VPS16: variants seen among roughly 807,000 people sequenced by gnomAD.
The protein encoded by VPS16 is vacuolar protein sorting-associated protein 16 homolog.
In VPS16, 82 loss-of-function variants were observed where a neutral mutation model predicts 116.0. The observed-to-expected ratio is 0.71, with a 90% CI of 0.59 to 0.85. The LOEUF (loss-of-function observed/expected upper bound fraction) is 0.85, where lower values mean the gene tolerates loss of function less well. Ranked by LOEUF, VPS16 falls within the 40% of genes least tolerant of loss-of-function variation. The probability of loss-of-function intolerance (pLI) is 0.00; values close to 1 mark genes in which losing one functional copy is unlikely to be tolerated. For synonymous variants in VPS16, 406 were observed against 420.7 expected (o/e 0.96, Z 0.43); for missense variants, 928 against 1,090.6 (o/e 0.85, Z 2.10).
At chr20:2,855,247 C>G (rs1469489442) in intron 1 of VPS16, among the ~76,000 whole-genome samples, 1 of 151,544 alleles carries the variant, frequency 6.6e-6, no homozygotes, top group African/African-American at 2.4e-5. Flanking sequence ...CATGAACCAC[C>G]GCGCCTGGCC....
chr20:2,862,807 G>T lies in VPS16; in HGVS notation c.1204G>T (p.Ala402Ser), dbSNP rs1490646916. The change falls in exon 13 of 24, where the codon GCC (alanine) becomes TCC (serine). Residue 402 changes from alanine (A) to serine (S), a missense_variant and splice_region_variant. By Grantham distance (99) the Ala-to-Ser change is moderately conservative (BLOSUM62 1). Transcript: ENST00000380445. ...QPDMQKSLLRAASFGKCFLDR... is the reference protein window; with the variant it reads ...QPDMQKSLLRSASFGKCFLDR... ...CCTATCGCCCTCTGGCTCTTCTCAG[G>T]CCGCCTCCTTCGGAAAGTGTTTCCT... 1 of 1,613,914 alleles carries T rather than the reference G, an allele frequency of 6.2e-7. No homozygotes were observed. The highest frequency in any genetic ancestry group is 8.5e-7 in the Non-Finnish European group (1 of 1,180,018).
Position 2,865,405 on chromosome 20 carries a change from G to C in VPS16, c.2181G>C (p.Trp727Cys). ...AAGCCCAGCTTTCCTGCAGGCTCTG[G>C]TGGCTGAAGCTGACTGCCCTGGCAG... ...RDFRIPDKRL[W>C]WLKLTALADL... Residue 727 changes from tryptophan to cysteine, a missense_variant, in exon 22 of 24, where the codon TGG (tryptophan) becomes TGC (cysteine). Coordinates refer to ENST00000380445, the MANE Select transcript of VPS16 (RefSeq NM_022575.4). The surrounding 1 kb of genome is among the most constrained non-coding windows in gnomAD (Gnocchi z 5.2). The C allele has an allele frequency of 6.2e-7, 1 of 1,614,146 alleles. No individual in the cohort carries two copies. Among genetic ancestry groups the C allele is most frequent in the Non-Finnish European group, 8.5e-7 (1 of 1,179,992 alleles).
intron 11 of VPS16, 121 bp downstream of exon 11, chr20:2,862,251 G>A (rs1192872484): frequency 2.4e-5 from 29 of 1,206,486 alleles, no homozygotes; most frequent in Non-Finnish European, 3.2e-5. Context: ...ACTGGTCTGG[G>A]CTGGGGAGGG....
intron 1 of VPS16, among the ~76,000 whole-genome samples, chr20:2,842,442 C>T (rs1002145430): frequency 2.6e-5 from 4 of 151,742 alleles, no homozygotes; most frequent in African/African-American, 9.7e-5. Flanking sequence ...ATGGTCAAAC[C>T]CTGTCTCTAC....
rs1188837498 is a variant in VPS16, at chr20:2,842,881, T to C, written c.53+2054T>C. The stretch of plus-strand genomic sequence containing the variant: ...GTATCTATCGATAGATAGATAGATG[T>C]ATCTATCGATAGATAGATAGATATA... On this transcript the variant is annotated intron_variant, in intron 1 of 23. Coordinates refer to ENST00000380445, the MANE Select transcript of VPS16 (RefSeq NM_022575.4). Among the ~76,000 whole-genome samples, 5 of 147,392 alleles carry C rather than the reference T, an allele frequency of 3.4e-5. 1 individual carries two copies. Among genetic ancestry groups the C allele is most frequent in the Admixed American group, 2.7e-4 (4 of 14,602 alleles).
In VPS16 at chr20:2,861,694, G is replaced by A. The variant is rs770481286; in HGVS notation, c.889G>A (p.Glu297Lys). The change falls in exon 9 of 24, where the codon GAG becomes AAG. Residue 297 changes from glutamate to lysine, a missense_variant. By Grantham distance (56) the Glu-to-Lys change is moderately conservative (BLOSUM62 1). Coordinates refer to ENST00000380445, the MANE Select transcript of VPS16 (RefSeq NM_022575.4). Reference sequence around the variant, plus strand: ...GCTGATGGTGGTGGGCGATGCACCCGAGAGCATCCAGTATCCTTGGAGGGC... The same window carrying A: ...GCTGATGGTGGTGGGCGATGCACCCAAGAGCATCCAGTATCCTTGGAGGGC... ...RRLMVVGDAP[E>K]SIQFVLDEDS... 39 of 1,612,910 alleles carry A rather than the reference G, an allele frequency of 2.4e-5. No homozygotes were observed. In the Admixed American group the frequency reaches 5.3e-4, roughly 22 times the overall value.
intron 1 of VPS16, among the ~76,000 whole-genome samples, chr20:2,849,775 C>G (rs1319465696): frequency 6.6e-6 from 1 of 152,204 alleles, no homozygotes; most frequent in African/African-American, 2.4e-5. Flanking sequence ...TACTGCCACA[C>G]TGGCAAATAT....
At chr20:2,858,001 G>A (rs995293604) in intron 1 of VPS16, among the ~76,000 whole-genome samples, 5 of 151,960 alleles carry the variant, frequency 3.3e-5, no homozygotes, top group African/African-American at 1.2e-4. Flanking sequence ...TCTTGCTATG[G>A]TATGAAAATT....
chr20:2,845,007 GGTGTGT>G (rs375923174), intron 1 of VPS16, among the ~76,000 whole-genome samples: 49 of 144,110 alleles, frequency 3.4e-4, no homozygotes, highest in East Asian at 2.5e-3. Flanking sequence ...ATTTGCAAGG[GGTGTGT>G]GTGTGTGTGT....
chr20:2,858,828 C>G (rs1457194595), intron 1 of VPS16, among the ~76,000 whole-genome samples: 2 of 152,148 alleles, frequency 1.3e-5, no homozygotes, highest in Non-Finnish European at 2.9e-5. Flanking sequence ...CTGCCATAAG[C>G]CAAGCATTGG....
rs1308728320 is a variant in VPS16, at chr20:2,861,626, C to G, written c.821C>G (p.Pro274Arg). 2.5e-6 allele frequency: 4 copies of G among 1,611,454 alleles called. No individual in the cohort carries two copies. The highest frequency in any genetic ancestry group is 3.4e-6 in the Non-Finnish European group (4 of 1,179,376). ...PPKQMVWCSR[P>R]RSKERAVVVA... ...TATGCTGCTCACAGGTGCAGCCGTC[C>G]TCGTAGCAAGGAGAGGGCCGTGGTG... Residue 274 changes from proline to arginine, a missense_variant, in exon 9 of 24, where the codon CCT (proline) becomes CGT (arginine). Transcript: ENST00000380445.
In VPS16 at chr20:2,862,654, T is replaced by A; in HGVS notation, c.1147T>A (p.Cys383Ser). Residue 383 changes from cysteine to serine, a missense_variant, in exon 12 of 24, where the codon TGC becomes AGC. Transcript: ENST00000380445. ...CCAGCTGACCCAGGCCGTGCAGCAG[T>A]GCATTGAGGCTGCAGGACATGAGCA... The part of the protein sequence containing the change: ...LGQLTQAVQQ[C>S]IEAAGHEHQP... 6.2e-7 allele frequency: 1 copy of A among 1,610,724 alleles called. No homozygotes were observed.
chr20:2,846,865 A>G (rs1351442652), intron 1 of VPS16, among the ~76,000 whole-genome samples: 1 of 152,180 alleles, frequency 6.6e-6, no homozygotes. Flanking sequence ...GTACCTCACT[A>G]CATCCTTAGG....
Position 2,863,810 on chromosome 20 carries a change from GAA to G in VPS16, c.1477-137_1477-136del, listed in dbSNP as rs1180026109. 7 of 1,214,146 alleles carry G rather than the reference GAA, an allele frequency of 5.8e-6. No homozygotes were observed. Among genetic ancestry groups the G allele is most frequent in the Non-Finnish European group, 7.7e-6 (7 of 905,564 alleles). 75.2% of individuals were successfully genotyped at this position (1,214,146 alleles called of 1,614,324 possible). On this transcript the variant is annotated intron_variant, in intron 15 of 23. Coordinates refer to ENST00000380445, the MANE Select transcript of VPS16 (RefSeq NM_022575.4). This position sits in a 1 kb window ranked among gnomAD's most constrained non-coding sequence, Gnocchi z 4.4. ...GGGCGGAGGAGGAGGGAAAGAGAGA[GAA>G]AGAAGAAAGAGAGAAAGAAAGAAAG...
Position 2,864,631 on chromosome 20 carries a change from C to G in VPS16, c.1903C>G (p.Arg635Gly), listed in dbSNP as rs1422519039. 6.2e-7 allele frequency: 1 copy of G among 1,614,076 alleles called. No individual in the cohort carries two copies. The highest frequency in any genetic ancestry group is 1.1e-5 in the South Asian group (1 of 91,078). ...NHQELGSFHI[R>G]ASYAAEERIE... The stretch of plus-strand genomic sequence containing the variant: ...CCAGGAATTGGGCAGCTTCCACATC[C>G]GAGCCAGCTATGCTGCAGAAGAGGT... Residue 635 changes from arginine (R) to glycine (G), a missense_variant, in exon 19 of 24, where the codon CGA becomes GGA. Physicochemically the swap from Arg to Gly is moderately radical, Grantham distance 125. Coordinates refer to ENST00000380445, the MANE Select transcript of VPS16 (RefSeq NM_022575.4). This position sits in a 1 kb window ranked among gnomAD's most constrained non-coding sequence, Gnocchi z 5.2.
At chr20:2,850,815 CA>C (rs539625403) in intron 1 of VPS16, among the ~76,000 whole-genome samples, 30 of 139,716 alleles carry the variant, frequency 2.1e-4, no homozygotes, top group African/African-American at 7.3e-4. Context: ...AAAAAAAAAA[CA>C]AAAAAAACAG....
At chr20:2,859,632 A>C (rs2089205870) in intron 1 of VPS16, 87 bp from the exon 2 acceptor site, 18 of 1,440,532 alleles carry the variant, frequency 1.2e-5, no homozygotes, top group Middle Eastern at 1.8e-4. Context: ...GTGGAAGACA[A>C]ATGGAGGCTT....
chr20:2,856,124 C>T (rs894668899), intron 1 of VPS16, among the ~76,000 whole-genome samples: 14 of 152,164 alleles, frequency 9.2e-5, no homozygotes, highest in African/African-American at 3.1e-4. Flanking sequence ...TCTTCTTTCA[C>T]TTGAACAGTT....
At chr20:2,858,488 T>C (rs2089196822) in intron 1 of VPS16, among the ~76,000 whole-genome samples, 1 of 152,174 alleles carries the variant, frequency 6.6e-6, no homozygotes, top group Non-Finnish European at 1.5e-5. Context: ...AACATCTCTT[T>C]ATTTTTTTTT....
Sources: gnomAD v4.1 joint callset for allele counts (sites outside exome capture counted in the v4.1 genomes callset) on GRCh38, gnomAD v4.1.1 for gene constraint, Gnocchi (gnomAD v3.1) non-coding constraint, MANE v1.5 for transcripts, NCBI Gene and HGNC (gene_info 2026-07-23, HGNC 2026-07-21) for gene names.